PGCKA1: variants seen among roughly 807,000 people sequenced by gnomAD.
PGCKA1 encodes the protein PDCD10 and GCKIII kinases associated 1, also known as PDCD10 and GCKIII kinases-associated protein 1.
chr4:37,486,936 G>A, the PGCKA1 span, among the ~76,000 whole-genome samples: 2 of 152,134 alleles, frequency 1.3e-5, no homozygotes, highest in East Asian at 1.9e-4. Flanking sequence ...ACGTGACTCA[G>A]CCTAGAGCTT....
the PGCKA1 span, among the ~76,000 whole-genome samples, chr4:37,479,013 T>C: frequency 3.3e-5 from 5 of 152,254 alleles, no homozygotes; most frequent in African/African-American, 1.2e-4. Context: ...CTTAGTCTTA[T>C]GGCTTTCTCA....
the PGCKA1 span, among the ~76,000 whole-genome samples, chr4:37,521,430 C>A: frequency 6.6e-6 from 1 of 152,228 alleles, no homozygotes; most frequent in Non-Finnish European, 1.5e-5. Context: ...TCTTCTGAAT[C>A]ACTTCATTGA....
the PGCKA1 span, among the ~76,000 whole-genome samples, chr4:37,517,077 C>T: frequency 6.6e-6 from 1 of 151,926 alleles, no homozygotes; most frequent in African/African-American, 2.4e-5. Flanking sequence ...TGAAGAAACC[C>T]TGTCTCTACT....
chr4:37,564,500 CT>C, the PGCKA1 span, among the ~76,000 whole-genome samples: 2 of 112,180 alleles, frequency 1.8e-5, no homozygotes, highest in African/African-American at 5.8e-5. Flanking sequence ...GGGTGTCTGA[CT>C]TTTTTATTTA....
the PGCKA1 span, among the ~76,000 whole-genome samples, chr4:37,499,484 G>A: frequency 6.6e-6 from 1 of 152,088 alleles, no homozygotes; most frequent in Non-Finnish European, 1.5e-5. Flanking sequence ...TTCAATTTTG[G>A]AGCTCATTGG....
chr4:37,469,746 G>C, the PGCKA1 span, among the ~76,000 whole-genome samples: 1 of 152,168 alleles, frequency 6.6e-6, no homozygotes, highest in Non-Finnish European at 1.5e-5. Context: ...TTCTTGGTAT[G>C]ACATATAGTT....
chr4:37,520,105 T>C, the PGCKA1 span, among the ~76,000 whole-genome samples: 1 of 152,206 alleles, frequency 6.6e-6, no homozygotes, highest in Non-Finnish European at 1.5e-5. Flanking sequence ...ATCCCAGGGA[T>C]AAATGCCATG....
the PGCKA1 span, among the ~76,000 whole-genome samples, chr4:37,593,269 T>A: frequency 1.3e-5 from 2 of 152,200 alleles, no homozygotes; most frequent in South Asian, 4.1e-4. Flanking sequence ...TATTTACCTC[T>A]TATGTAAAAG....
chr4:37,575,890 T>G, the PGCKA1 span, among the ~76,000 whole-genome samples: 2 of 152,174 alleles, frequency 1.3e-5, no homozygotes, highest in Middle Eastern at 3.2e-3. Context: ...GGTTCCTTTG[T>G]TGAAAATGAG....
At chr4:37,566,478 A>G in the PGCKA1 span, among the ~76,000 whole-genome samples, 502 of 152,134 alleles carry the variant, frequency 3.3e-3, 1 homozygote, top group Non-Finnish European at 5.0e-3. Context: ...ATAAGGTTTC[A>G]CCATGTTGGC....
At chr4:37,567,349 G>T in the PGCKA1 span, among the ~76,000 whole-genome samples, 1 of 152,332 alleles carries the variant, frequency 6.6e-6, no homozygotes, top group South Asian at 2.1e-4. Flanking sequence ...ACTGCTTATT[G>T]TGATTAAGTA....
At chr4:37,464,591 G>A in the PGCKA1 span, among the ~76,000 whole-genome samples, 1,017 of 152,304 alleles carry the variant, frequency 6.7e-3, 13 homozygotes, top group African/African-American at 0.023. Flanking sequence ...TGGAAAGAAA[G>A]AATGAGGGAG....
the PGCKA1 span, among the ~76,000 whole-genome samples, chr4:37,538,690 T>G: frequency 1.3e-5 from 2 of 152,238 alleles, no homozygotes; most frequent in African/African-American, 4.8e-5. Context: ...ATAGCAGTGA[T>G]GCCTTGCAGA....
chr4:37,497,360 C>T, the PGCKA1 span, among the ~76,000 whole-genome samples: 4 of 152,094 alleles, frequency 2.6e-5, no homozygotes, highest in South Asian at 4.1e-4. Context: ...GTTGGTTCCA[C>T]GATTTTGCAA....
the PGCKA1 span, among the ~76,000 whole-genome samples, chr4:37,578,035 A>C: frequency 2.6e-5 from 4 of 152,188 alleles, no homozygotes; most frequent in African/African-American, 9.7e-5. Context: ...CAGTTGGATG[A>C]AATGTTGTGT....
the PGCKA1 span, among the ~76,000 whole-genome samples, chr4:37,455,813 G>A: frequency 6.6e-6 from 1 of 152,148 alleles, no homozygotes; most frequent in Non-Finnish European, 1.5e-5. Context: ...AGGTAGGGCC[G>A]GCCCCTTTCC....
the PGCKA1 span, among the ~76,000 whole-genome samples, chr4:37,492,679 C>G: frequency 6.6e-6 from 1 of 152,274 alleles, no homozygotes; most frequent in African/African-American, 2.4e-5. The surrounding 1 kb of genome is among the most constrained non-coding windows in gnomAD (Gnocchi z 4.7). Context: ...ATTCAGAAAC[C>G]TTCTGGTTTG....
At chr4:37,529,746 G>A in the PGCKA1 span, among the ~76,000 whole-genome samples, 5,869 of 152,252 alleles carry the variant, frequency 0.039, 151 homozygotes, top group Non-Finnish European at 0.062. Context: ...GTTTTCGTCT[G>A]TAGCCGCCCC....
At chr4:37,536,975 C>A in the PGCKA1 span, among the ~76,000 whole-genome samples, 1 of 152,142 alleles carries the variant, frequency 6.6e-6, no homozygotes, top group Admixed American at 6.5e-5. Context: ...AGCTTTGGGG[C>A]AGAGTGACGG....
Sources: gnomAD v4.1 joint callset for allele counts (sites outside exome capture counted in the v4.1 genomes callset) on GRCh38, gnomAD v4.1.1 for gene constraint, Gnocchi (gnomAD v3.1) non-coding constraint, MANE v1.5 for transcripts, NCBI Gene and HGNC (gene_info 2026-07-23, HGNC 2026-07-21) for gene names.